DCDC1: variants seen among roughly 807,000 people sequenced by gnomAD.
The protein encoded by DCDC1 is doublecortin domain containing 1, also known as doublecortin domain-containing protein 1.
Under a neutral mutation model 178.3 loss-of-function variants are expected in DCDC1, and 200 were observed. That is an observed-to-expected ratio of 1.12 (90% confidence interval 1.00 to 1.26). The LOEUF is 1.26. DCDC1 is among the 50% of genes most tolerant of loss of function. The pLI is 0.00. For synonymous variants in DCDC1, 690 were observed against 604.8 expected, an observed-to-expected ratio of 1.14 and a Z score of -2.07; for missense variants, 1,983 against 1,749.2, an observed-to-expected ratio of 1.13 and a Z score of -2.38.
chr11:31,078,972 C>T (rs571934635), intron 17 of DCDC1, among the ~76,000 whole-genome samples: 1 of 152,086 alleles, frequency 6.6e-6, no homozygotes, highest in African/African-American at 2.4e-5. Context: ...AATGTTTAAA[C>T]TTAGAAATAG....
intron 11 of DCDC1, among the ~76,000 whole-genome samples, chr11:31,118,357 G>A (rs1200162096): frequency 6.6e-6 from 1 of 152,046 alleles, no homozygotes; most frequent in African/African-American, 2.4e-5. Flanking sequence ...ATTTTAAGAA[G>A]TAATCCATTT....
At chr11:31,234,273 G>A (rs1009111545) in intron 9 of DCDC1, among the ~76,000 whole-genome samples, 3 of 152,118 alleles carry the variant, frequency 2.0e-5, no homozygotes, top group African/African-American at 4.8e-5. Context: ...ATGAAAGAGA[G>A]CAATAAATTA....
At chr11:31,093,195 T>C (rs1426370671) in intron 16 of DCDC1, among the ~76,000 whole-genome samples, 3 of 152,216 alleles carry the variant, frequency 2.0e-5, no homozygotes, top group Non-Finnish European at 4.4e-5. Context: ...CTGTGATATA[T>C]GAAATAAATA....
intron 9 of DCDC1, among the ~76,000 whole-genome samples, chr11:31,164,861 T>A (rs551342627): frequency 1.3e-5 from 2 of 152,320 alleles, no homozygotes; most frequent in Admixed American, 1.3e-4. Context: ...ACTCCCTCAC[T>A]GACTTACCTA....
intron 9 of DCDC1, among the ~76,000 whole-genome samples, chr11:31,201,063 C>G (rs1196292544): frequency 3.3e-5 from 5 of 151,958 alleles, no homozygotes; most frequent in East Asian, 1.9e-4. Flanking sequence ...TCAGTCCACT[C>G]CATTAGACTT....
At chr11:31,357,589 G>T (rs2133353913) in intron 1 of DCDC1, among the ~76,000 whole-genome samples, 1 of 152,210 alleles carries the variant, frequency 6.6e-6, no homozygotes, top group Admixed American at 6.5e-5. Context: ...TCTGGCCAGG[G>T]CAATTACGCA....
At chr11:31,068,740 A>C (rs556894789) in intron 18 of DCDC1, among the ~76,000 whole-genome samples, 2 of 152,202 alleles carry the variant, frequency 1.3e-5, no homozygotes, top group South Asian at 4.1e-4. Flanking sequence ...CATTTTATAC[A>C]TGCAAATATA....
chr11:30,893,763 C>T (rs758785070), intron 35 of DCDC1, among the ~76,000 whole-genome samples: 10 of 152,216 alleles, frequency 6.6e-5, no homozygotes, highest in Non-Finnish European at 1.3e-4. Context: ...CCTCTCTCAA[C>T]AGCTGACCTT....
chr11:30,916,873 T>C lies in DCDC1; in HGVS notation c.3449A>G (p.His1150Arg), dbSNP rs1384449102. The stretch of plus-strand genomic sequence containing the variant: ...GGAATCCTTTGCAACTTTTTACCTG[T>C]GTTTCTTCTGTGGTTCCACATTTTC... ...LFENVEPQKK[H>R]SCSPKHSKLH... The change falls in exon 26 of 39, where the codon CAC becomes CGC. Residue 1150 changes from histidine (H) to arginine (R), a missense_variant. Transcript: ENST00000684477. 1 of 1,601,490 alleles carries C rather than the reference T, an allele frequency of 6.2e-7. No individual in the cohort carries two copies. The highest frequency in any genetic ancestry group is 8.5e-7 in the Non-Finnish European group (1 of 1,175,202).
At chr11:31,086,935 CT>C (rs1386983765) in intron 17 of DCDC1, among the ~76,000 whole-genome samples, 1 of 151,992 alleles carries the variant, frequency 6.6e-6, no homozygotes, top group East Asian at 1.9e-4. Context: ...TATTTCTTTT[CT>C]GGATAAGATT....
intron 1 of DCDC1, among the ~76,000 whole-genome samples, chr11:31,349,612 C>T (rs536079399): frequency 2.6e-4 from 40 of 152,174 alleles, no homozygotes; most frequent in African/African-American, 9.6e-4. Flanking sequence ...AAAATCTATT[C>T]TTGGAATTAG....
chr11:31,258,137 T>A (rs1264160473), intron 8 of DCDC1, among the ~76,000 whole-genome samples: 1 of 151,902 alleles, frequency 6.6e-6, no homozygotes, highest in African/African-American at 2.4e-5. Context: ...GGGCCTGAGA[T>A]TAAGGAAAGA....
At chr11:31,350,389 A>T (rs1324262372) in intron 1 of DCDC1, among the ~76,000 whole-genome samples, 1 of 152,162 alleles carries the variant, frequency 6.6e-6, no homozygotes, top group Non-Finnish European at 1.5e-5. Context: ...TTTAATTAAA[A>T]GAAGAAATTC....
intron 31 of DCDC1, chr11:30,904,302 TGCAAGGA>T (rs1565052508): frequency 6.6e-6 from 1 of 152,526 alleles, no homozygotes; most frequent in Non-Finnish European, 1.5e-5. Context: ...TATGTGCGCT[TGCAAGGA>T]AGTCTGCAGG....
At chr11:31,345,992 A>T (rs893330445) in intron 1 of DCDC1, among the ~76,000 whole-genome samples, 8 of 152,202 alleles carry the variant, frequency 5.3e-5, no homozygotes, top group African/African-American at 1.9e-4. Flanking sequence ...ATTCACATTA[A>T]TGTCACTAAA....
At chr11:31,256,851 T>C (rs1944443522) in intron 8 of DCDC1, among the ~76,000 whole-genome samples, 1 of 152,128 alleles carries the variant, frequency 6.6e-6, no homozygotes, top group Non-Finnish European at 1.5e-5. Flanking sequence ...CTTCCAATAG[T>C]CTTGATGTTC....
intron 17 of DCDC1, among the ~76,000 whole-genome samples, chr11:31,086,170 A>G (rs1281821208): frequency 2.6e-5 from 4 of 152,206 alleles, no homozygotes; most frequent in African/African-American, 4.8e-5. Flanking sequence ...GAAAGTATCA[A>G]CTGTTTTCCA....
At chr11:30,964,581 A>C (rs1949315034) in intron 20 of DCDC1, among the ~76,000 whole-genome samples, 1 of 152,168 alleles carries the variant, frequency 6.6e-6, no homozygotes, top group South Asian at 2.1e-4. Context: ...CACTGATGAT[A>C]ACCAAGTACA....
At chr11:30,951,612 A>G (rs1382595482) in intron 21 of DCDC1, among the ~76,000 whole-genome samples, 1 of 152,184 alleles carries the variant, frequency 6.6e-6, no homozygotes, top group Admixed American at 6.5e-5. Flanking sequence ...CTATAATAGC[A>G]TATAAGTCAC....
Sources: allele counts gnomAD v4.1 joint callset (sites outside exome capture counted in the v4.1 genomes callset), GRCh38; gene constraint gnomAD v4.1.1; transcripts MANE v1.5; gene names NCBI Gene and HGNC (gene_info 2026-07-23, HGNC 2026-07-21).